GRIK4: variants seen among roughly 807,000 people sequenced by gnomAD.
GRIK4 encodes the protein glutamate receptor ionotropic, kainate 4.
In GRIK4, 40 loss-of-function variants were observed where a neutral mutation model predicts 104.9. The ratio of observed to expected loss-of-function variants is 0.38; its 90% CI spans 0.30 to 0.50. GRIK4 has a LOEUF of 0.50. GRIK4 is among the 20% of genes least tolerant of loss of function. The pLI is 0.93. For missense variants in GRIK4, 1,047 were observed against 1,308.1 expected, an observed-to-expected ratio of 0.80 and a Z score of 3.08; for synonymous variants, 485 against 524.9, an observed-to-expected ratio of 0.92 and a Z score of 1.04.
In GRIK4 at chr11:120,513,300, T is replaced by G. The variant is rs1947684394; in HGVS notation, c.-159+1413T>G. Among the ~76,000 whole-genome samples the G allele has an allele frequency of 6.6e-6, 1 of 152,102 alleles. No homozygotes were observed. The highest frequency in any genetic ancestry group is 1.5e-5 in the Non-Finnish European group (1 of 68,012). On this transcript the variant is annotated intron_variant, in intron 1 of 20. Transcript: ENST00000527524. The surrounding 1 kb of genome is among the most constrained non-coding windows in gnomAD (Gnocchi z 4.5). ...GACACTTCTAGGAGCACCGGGAAAC[T>G]GCGGGCGTGGTATCTCCGGGGAGAG... is the stretch of plus-strand genomic sequence containing the variant.
At chr11:120,924,435 A>G (rs929294236) in intron 13 of GRIK4, among the ~76,000 whole-genome samples, 34 of 152,134 alleles carry the variant, frequency 2.2e-4, no homozygotes, top group African/African-American at 7.5e-4. Flanking sequence ...AAAAATATAT[A>G]TTGAAATAGA....
At position 120,902,377 on chromosome 11, in the gene GRIK4, A is replaced by C. The variant is rs982521249; in HGVS notation, c.1273-2913A>C. 3.3e-5 allele frequency among the ~76,000 whole-genome samples: 5 copies of C among 152,136 alleles called. No individual in the cohort carries two copies. Among genetic ancestry groups the C allele is most frequent in the African/African-American group, 1.2e-4 (5 of 41,432 alleles). Reference sequence around the variant, plus strand: ...AACCATCCCCATCCTTGGGCTTTCCAACGCGTCTCCAAGACCGGCCTTGTG... The same window carrying C: ...AACCATCCCCATCCTTGGGCTTTCCCACGCGTCTCCAAGACCGGCCTTGTG... On this transcript the variant is annotated intron_variant, in intron 12 of 20. Coordinates refer to ENST00000527524, the MANE Select transcript of GRIK4 (RefSeq NM_014619.5). This position sits in a 1 kb window ranked among gnomAD's most constrained non-coding sequence, Gnocchi z 4.5.
intron 1 of GRIK4, among the ~76,000 whole-genome samples, chr11:120,630,902 A>G (rs1047343310): frequency 6.6e-6 from 1 of 152,130 alleles, no homozygotes; most frequent in African/African-American, 2.4e-5. Flanking sequence ...AAAATGAGAA[A>G]GTGTACCTGG....
chr11:120,678,644 T>C (rs1950141931), intron 3 of GRIK4, among the ~76,000 whole-genome samples: 1 of 151,486 alleles, frequency 6.6e-6, no homozygotes, highest in Non-Finnish European at 1.5e-5. Flanking sequence ...GTTTTAGTTT[T>C]TGTTTTTGAG....
At chr11:120,606,975 A>G (rs2135140600) in intron 1 of GRIK4, among the ~76,000 whole-genome samples, 1 of 152,268 alleles carries the variant, frequency 6.6e-6, no homozygotes, top group Admixed American at 6.5e-5. Context: ...GCCAGGAGGT[A>G]AGAGCAGGTC....
At chr11:120,662,773 G>A (rs1179998912) in intron 3 of GRIK4, among the ~76,000 whole-genome samples, 1 of 152,124 alleles carries the variant, frequency 6.6e-6, no homozygotes, top group Non-Finnish European at 1.5e-5. Context: ...AGAATGGGTG[G>A]CTCTCTGAAT....
At chr11:120,833,281 CTT>C (rs1953484148) in intron 7 of GRIK4, among the ~76,000 whole-genome samples, 1 of 99,162 alleles carries the variant, frequency 1.0e-5, no homozygotes, top group African/African-American at 4.1e-5. Context: ...CTCTCTCTCT[CTT>C]TCTCTCTGAC....
intron 11 of GRIK4, among the ~76,000 whole-genome samples, chr11:120,885,143 C>A (rs1592037569): frequency 1.3e-5 from 2 of 152,382 alleles, no homozygotes; most frequent in South Asian, 4.1e-4. Flanking sequence ...CTCCAGCATG[C>A]CTGAGCTCTC....
intron 1 of GRIK4, among the ~76,000 whole-genome samples, chr11:120,514,599 C>T (rs1271610618): frequency 6.6e-6 from 1 of 152,132 alleles, no homozygotes; most frequent in Non-Finnish European, 1.5e-5. Flanking sequence ...CCACCCCAGG[C>T]CTGGTGGAGT....
At chr11:120,764,602 T>TGTTTTTG (rs1320337131) in intron 3 of GRIK4, among the ~76,000 whole-genome samples, 1 of 151,888 alleles carries the variant, frequency 6.6e-6, no homozygotes, top group African/African-American at 2.4e-5. Context: ...TTTTTGTTTT[T>TGTTTTTG]TTTTTCCTTT....
chr11:120,909,094 C>A (rs11218056), intron 13 of GRIK4, among the ~76,000 whole-genome samples: 1 of 152,208 alleles, frequency 6.6e-6, no homozygotes, highest in Non-Finnish European at 1.5e-5. Context: ...CACCATGGGC[C>A]GGGCCAGGCC....
chr11:120,905,165 C>A lies in GRIK4; in HGVS notation c.1273-125C>A. 1 of 736,306 alleles carries A rather than the reference C, an allele frequency of 1.4e-6. No individual in the cohort carries two copies. The highest frequency in any genetic ancestry group is 2.5e-6 in the Non-Finnish European group (1 of 407,646). 45.6% of individuals were successfully genotyped at this position (736,306 alleles called of 1,614,324 possible). On this transcript the variant is annotated intron_variant, in intron 12 of 20. Coordinates refer to ENST00000527524, the MANE Select transcript of GRIK4 (RefSeq NM_014619.5). This position sits in a 1 kb window ranked among gnomAD's most constrained non-coding sequence, Gnocchi z 5.1. ...TCATCACCCCAAAGTAGCCCATTAC[C>A]CACGTCAGTTTCCTCCTTCTGCCCC... is the stretch of plus-strand genomic sequence containing the variant.
At chr11:120,907,819 G>A (rs1942902848) in intron 13 of GRIK4, among the ~76,000 whole-genome samples, 1 of 152,184 alleles carries the variant, frequency 6.6e-6, no homozygotes, top group Admixed American at 6.5e-5. Flanking sequence ...GCTTAGGGAG[G>A]ATGGGTGGGA....
Position 120,874,068 on chromosome 11 carries a change from C to T in GRIK4, c.909C>T (p.Leu303=). ...CDHVPFTGPA[L]SSALLFDAVY... ...GCCTGCTCCCCGGCCTCTCCCAGCT[C>T]TCCTCGGCCCTGCTGTTTGATGCTG... is the stretch of plus-strand genomic sequence containing the variant. The change falls in exon 10 of 21, where the codon CTC becomes CTT. Residue 303 remains leucine (L), a splice_region_variant and synonymous_variant. Coordinates refer to ENST00000527524, the MANE Select transcript of GRIK4 (RefSeq NM_014619.5). 2 of 1,604,734 alleles carry T rather than the reference C, an allele frequency of 1.2e-6. No homozygotes were observed. Among genetic ancestry groups the T allele is most frequent in the Non-Finnish European group, 1.7e-6 (2 of 1,172,320 alleles).
intron 8 of GRIK4, among the ~76,000 whole-genome samples, chr11:120,860,240 G>T (rs554434385): frequency 2.0e-5 from 3 of 152,302 alleles, no homozygotes; most frequent in East Asian, 1.9e-4. Context: ...TGTGTGAAAA[G>T]GTGGCCTGAC....
intron 13 of GRIK4, among the ~76,000 whole-genome samples, chr11:120,913,654 C>T (rs1053124997): frequency 1.3e-5 from 2 of 151,758 alleles, no homozygotes; most frequent in Non-Finnish European, 2.9e-5. Context: ...ATTCAAGGCT[C>T]ATAAGCCTTG....
intron 8 of GRIK4, among the ~76,000 whole-genome samples, chr11:120,837,545 A>G (rs1461209338): frequency 2.0e-5 from 3 of 152,182 alleles, no homozygotes; most frequent in Non-Finnish European, 4.4e-5. Context: ...CACATATTAT[A>G]TGCGCGTAGC....
intron 1 of GRIK4, among the ~76,000 whole-genome samples, chr11:120,516,939 A>AAAG (rs879578784): frequency 4.8e-4 from 62 of 129,058 alleles, no homozygotes; most frequent in South Asian, 1.8e-3. Flanking sequence ...CCTGGGCAGC[A>AAAG]GCCACTGTCT....
rs72232565 is a variant in GRIK4 at position 120,712,623 on chromosome 11, TAA to T, written c.82+52239_82+52240del. ...GCCAACATAGTAAGACCCTGTCTCT[TAA>T]AAAAAAAAAAAAAAACTTCTACTTA... is the stretch of plus-strand genomic sequence containing the variant. On this transcript the variant is annotated intron_variant, in intron 3 of 20. Transcript: ENST00000527524. Among the ~76,000 whole-genome samples, 148 of 138,026 alleles carry T rather than the reference TAA, an allele frequency of 1.1e-3. No homozygotes were observed. The South Asian group carries it at 0.018, about 17-fold the overall frequency. 90.6% of individuals were successfully genotyped at this position (138,026 alleles called of 152,430 possible).
Sources: allele counts gnomAD v4.1 joint callset (sites outside exome capture counted in the v4.1 genomes callset), GRCh38; gene constraint gnomAD v4.1.1; non-coding constraint Gnocchi (gnomAD v3.1); transcripts MANE v1.5; gene names NCBI Gene and HGNC (gene_info 2026-07-23, HGNC 2026-07-21).